Variants in KYNU observed in about 807,000 individuals in gnomAD.
KYNU encodes L-kynurenine hydrolase.
Under a neutral mutation model 59.2 loss-of-function variants are expected in KYNU, and 54 were observed. The ratio of observed to expected loss-of-function variants is 0.91; its 90% CI spans 0.73 to 1.14. The LOEUF (loss-of-function observed/expected upper bound fraction) is 1.14, where lower values mean the gene tolerates loss of function less well. KYNU is among the 50% of genes most tolerant of loss of function. The pLI, the probability that KYNU is intolerant of heterozygous loss-of-function variation, is 0.00. For synonymous variants in KYNU, 177 were observed against 192.0 expected (o/e 0.92, Z 0.65); for missense variants, 567 against 554.4 (o/e 1.02, Z -0.23).
chr2:142,973,183 T>C (rs1345189952), intron 8 of KYNU, among the ~76,000 whole-genome samples: 1 of 151,580 alleles, frequency 6.6e-6, no homozygotes, highest in Non-Finnish European at 1.5e-5. Context: ...AGAAAAAATA[T>C]ATAATCTTTT....
At chr2:142,998,088 T>C (rs1240759623) in intron 10 of KYNU, among the ~76,000 whole-genome samples, 1 of 152,232 alleles carries the variant, frequency 6.6e-6, no homozygotes, top group Non-Finnish European at 1.5e-5. Context: ...ATTTACTGGA[T>C]CTCTTCCAAC....
rs1297591461 is a variant in KYNU, at chr2:143,049,374, GC to G, written c.*7204del. On this transcript the variant is annotated 3_prime_UTR_variant, in exon 14 of 14. Coordinates refer to ENST00000264170, the MANE Select transcript of KYNU (RefSeq NM_003937.3). ...GCATCAGCTGTTTTGCCTGGTGGCTGCCACCAACGCTTTTAGCTACCTCCCT... is the reference window on the plus strand; with the variant it reads ...GCATCAGCTGTTTTGCCTGGTGGCTGCACCAACGCTTTTAGCTACCTCCCT... 1 of 152,074 alleles carries G rather than the reference GC, an allele frequency of 6.6e-6. No individual in the cohort carries two copies. Among genetic ancestry groups the G allele is most frequent in the East Asian group, 1.9e-4 (1 of 5,188 alleles). 9.4% of individuals were successfully genotyped at this position (152,074 alleles called of 1,614,324 possible). A position where few individuals can be genotyped will look rare whatever the true frequency, so the allele number is the denominator to read the frequency against.
chr2:142,878,367 T>C (rs1681174114), intron 1 of KYNU, among the ~76,000 whole-genome samples: 1 of 152,190 alleles, frequency 6.6e-6, no homozygotes. Context: ...GTTCAGCAAG[T>C]AATTCATATC....
chr2:142,998,587 A>G (rs1479013120), intron 10 of KYNU, among the ~76,000 whole-genome samples: 2 of 152,220 alleles, frequency 1.3e-5, no homozygotes, highest in Non-Finnish European at 2.9e-5. Context: ...TGCTTACTCA[A>G]GTTCACTAAA....
At chr2:142,945,761 A>G (rs1375558197) in intron 4 of KYNU, among the ~76,000 whole-genome samples, 4 of 142,518 alleles carry the variant, frequency 2.8e-5, no homozygotes, top group Non-Finnish European at 6.1e-5. Flanking sequence ...TTTTTTTTGG[A>G]AAAGCAGTCT....
At chr2:142,979,624 G>A (rs1684996198) in intron 8 of KYNU, among the ~76,000 whole-genome samples, 1 of 151,924 alleles carries the variant, frequency 6.6e-6, no homozygotes, top group South Asian at 2.1e-4. Flanking sequence ...TCTGAACAAG[G>A]GGCACTAACA....
intron 2 of KYNU, among the ~76,000 whole-genome samples, chr2:142,899,633 ACATAGGAG>A (rs1682003449): frequency 8.9e-6 from 1 of 111,964 alleles, no homozygotes; most frequent in Non-Finnish European, 1.8e-5. Context: ...GATGTCATCA[ACATAGGAG>A]CATGGGCTAG....
At chr2:143,002,190 A>G (rs1003601661) in intron 10 of KYNU, among the ~76,000 whole-genome samples, 27 of 152,222 alleles carry the variant, frequency 1.8e-4, no homozygotes, top group African/African-American at 6.5e-4. Flanking sequence ...TAAATGCAAA[A>G]AAGAGATATT....
intron 10 of KYNU, among the ~76,000 whole-genome samples, chr2:142,987,211 T>C (rs902974806): frequency 6.6e-6 from 1 of 151,886 alleles, no homozygotes; most frequent in Non-Finnish European, 1.5e-5. Flanking sequence ...GTATGATGAC[T>C]CACAACCCTG....
At chr2:142,928,510 T>G (rs577753766) in intron 4 of KYNU, among the ~76,000 whole-genome samples, 37 of 152,314 alleles carry the variant, frequency 2.4e-4, no homozygotes, top group Admixed American at 4.6e-4. Context: ...CTTTATTGCT[T>G]CATTCCATTT....
intron 2 of KYNU, among the ~76,000 whole-genome samples, chr2:142,917,693 G>A (rs1682711005): frequency 6.6e-6 from 1 of 152,100 alleles, no homozygotes; most frequent in Non-Finnish European, 1.5e-5. Context: ...GAATCTTCTG[G>A]CACACATGTG....
intron 10 of KYNU, among the ~76,000 whole-genome samples, chr2:143,012,069 A>T (rs1279288264): frequency 1.3e-5 from 2 of 151,834 alleles, no homozygotes; most frequent in Non-Finnish European, 2.9e-5. Context: ...ATAATAAAAA[A>T]AAAAAAAAAG....
chr2:143,038,846 A>C lies in KYNU; in HGVS notation c.1042-1582A>C, dbSNP rs966153676. 4.6e-5 allele frequency among the ~76,000 whole-genome samples: 7 copies of C among 152,250 alleles called. No homozygotes were observed. The East Asian group carries it at 1.4e-3, about 29-fold the overall frequency. On this transcript the variant is annotated intron_variant, in intron 12 of 13. Coordinates refer to ENST00000264170, the MANE Select transcript of KYNU (RefSeq NM_003937.3). ...GAATAACTGTTTTCATAGACTTGAT[A>C]AAGTCTCAATATCACCAAATGACCC...
chr2:142,911,997 TTTG>T (rs34163854), intron 2 of KYNU, among the ~76,000 whole-genome samples: 20 of 151,610 alleles, frequency 1.3e-4, no homozygotes, highest in African/African-American at 1.9e-4. Context: ...GACCCGTAAT[TTTG>T]TTGTTGTTGT....
intron 4 of KYNU, among the ~76,000 whole-genome samples, chr2:142,931,216 T>G (rs1683204642): frequency 6.6e-6 from 1 of 152,324 alleles, no homozygotes; most frequent in East Asian, 1.9e-4. Flanking sequence ...CTCCTTAAGC[T>G]TTCAGGCCTC....
intron 2 of KYNU, among the ~76,000 whole-genome samples, chr2:142,906,813 G>A (rs113709885): frequency 6.7e-4 from 102 of 152,240 alleles, no homozygotes; most frequent in African/African-American, 2.3e-3. Flanking sequence ...CCATGATCTC[G>A]ACCGGCCAAT....
chr2:142,945,406 C>T (rs1164110971), intron 4 of KYNU, among the ~76,000 whole-genome samples: 2 of 152,356 alleles, frequency 1.3e-5, no homozygotes, highest in African/African-American at 2.4e-5. Flanking sequence ...GGCAACCCCT[C>T]ATCTGTTGAA....
chr2:143,011,998 G>T (rs1372891481), intron 10 of KYNU, among the ~76,000 whole-genome samples: 7 of 147,836 alleles, frequency 4.7e-5, no homozygotes, highest in Non-Finnish European at 8.9e-5. Flanking sequence ...CACCAGCATG[G>T]CACATGTATA....
At chr2:142,905,982 TTCTCTCTCTCTCATCTCTGTC>T (rs889557844) in intron 2 of KYNU, among the ~76,000 whole-genome samples, 2 of 151,790 alleles carry the variant, frequency 1.3e-5, no homozygotes, top group East Asian at 1.9e-4. Flanking sequence ...TTCTATTTCT[TTCTCTCTCTCTCATCTCTGTC>T]TCTCTCTCTC....
Sources: allele counts gnomAD v4.1 joint callset (sites outside exome capture counted in the v4.1 genomes callset), GRCh38; gene constraint gnomAD v4.1.1; transcripts MANE v1.5; gene names NCBI Gene and HGNC (gene_info 2026-07-23, HGNC 2026-07-21).